Variants in GRIA1 observed in about 807,000 individuals in gnomAD.
The protein encoded by GRIA1 is glutamate ionotropic receptor AMPA type subunit 1.
A neutral mutation model predicts 99.2 loss-of-function variants in GRIA1; 31 were observed. The observed-to-expected ratio is 0.31, with a 90% confidence interval of 0.23 to 0.42. The LOEUF is 0.42. GRIA1 is among the 10% of genes least tolerant of loss of function. The pLI is 1.00. For synonymous variants in GRIA1, 438 were observed against 432.4 expected, an observed-to-expected ratio of 1.01 and a Z score of -0.16; for missense variants, 782 against 1,157.5, an observed-to-expected ratio of 0.68 and a Z score of 4.71.
intron 14 of GRIA1, among the ~76,000 whole-genome samples, chr5:153,798,513 C>T (rs1765789201): frequency 6.6e-6 from 1 of 152,120 alleles, no homozygotes; most frequent in South Asian, 2.1e-4. Flanking sequence ...TAGAGAGAAG[C>T]AAAACTGCTT....
At chr5:153,706,114 T>C in intron 11 of GRIA1, 47 bp downstream of exon 11, 1 of 1,419,500 alleles carries the variant, frequency 7.0e-7, no homozygotes, top group African/African-American at 1.4e-5. Flanking sequence ...ATGGTTTTGT[T>C]TGTTTGTTTG....
chr5:153,768,861 C>A (rs1763696740), intron 12 of GRIA1, among the ~76,000 whole-genome samples: 1 of 152,128 alleles, frequency 6.6e-6, no homozygotes, highest in Non-Finnish European at 1.5e-5. Flanking sequence ...AACACTTGTC[C>A]ATTTAGAAAA....
At chr5:153,501,148 G>C (rs1754977558) in intron 2 of GRIA1, among the ~76,000 whole-genome samples, 1 of 152,166 alleles carries the variant, frequency 6.6e-6, no homozygotes, top group Non-Finnish European at 1.5e-5. Context: ...GTATGCAAAT[G>C]CTGAAGCATT....
intron 8 of GRIA1, among the ~76,000 whole-genome samples, chr5:153,687,037 C>G (rs1471925937): frequency 8.0e-6 from 1 of 125,216 alleles, no homozygotes; most frequent in African/African-American, 3.4e-5. Flanking sequence ...GGACTTCCTC[C>G]CCCCATCTCC....
At chr5:153,529,442 C>A (rs938931268) in intron 2 of GRIA1, among the ~76,000 whole-genome samples, 1 of 152,192 alleles carries the variant, frequency 6.6e-6, no homozygotes, top group African/African-American at 2.4e-5. Flanking sequence ...TCCTATGGGA[C>A]CTCAACCCAG....
chr5:153,663,247 T>G (rs1388780093), intron 5 of GRIA1, among the ~76,000 whole-genome samples: 5 of 152,208 alleles, frequency 3.3e-5, no homozygotes, highest in Admixed American at 3.3e-4. Context: ...GAAGTTCAAG[T>G]TGTTGAAAAA....
At chr5:153,717,154 A>G (rs1466457727) in intron 11 of GRIA1, among the ~76,000 whole-genome samples, 1 of 152,176 alleles carries the variant, frequency 6.6e-6, no homozygotes, top group Non-Finnish European at 1.5e-5. Context: ...GCCTCCCTGG[A>G]ACACAGGAAC....
chr5:153,703,608 C>T (rs542947481), intron 10 of GRIA1, among the ~76,000 whole-genome samples: 3 of 152,214 alleles, frequency 2.0e-5, no homozygotes, highest in African/African-American at 7.2e-5. Flanking sequence ...GGCATTGTGG[C>T]ACATCCCTGT....
intron 11 of GRIA1, among the ~76,000 whole-genome samples, chr5:153,742,620 G>T (rs767742384): frequency 2.6e-5 from 4 of 152,150 alleles, no homozygotes; most frequent in Admixed American, 6.5e-5. Context: ...CTAAGATCTT[G>T]GTTTCTTTCA....
chr5:153,698,246 T>C (rs937078295), intron 9 of GRIA1, 92 bp downstream of exon 9: 12 of 652,024 alleles, frequency 1.8e-5, no homozygotes, highest in African/African-American at 1.4e-4. Flanking sequence ...GCCTTTCTTC[T>C]TGCCAAAACT....
intron 13 of GRIA1, 34 bp downstream of exon 13, chr5:153,770,449 C>T: frequency 1.3e-6 from 2 of 1,591,140 alleles, no homozygotes; most frequent in Non-Finnish European, 1.7e-6. Flanking sequence ...TTGGTACTCC[C>T]TCTCCCCTCC....
intron 13 of GRIA1, among the ~76,000 whole-genome samples, chr5:153,782,010 A>G (rs1327519719): frequency 3.3e-5 from 5 of 152,210 alleles, no homozygotes; most frequent in African/African-American, 1.2e-4. Flanking sequence ...TAATAGAGTC[A>G]TGAGTACAGA....
intron 2 of GRIA1, among the ~76,000 whole-genome samples, chr5:153,510,100 C>G (rs994065785): frequency 6.6e-6 from 1 of 152,076 alleles, no homozygotes; most frequent in Non-Finnish European, 1.5e-5. Context: ...TTTTAGTTCT[C>G]GAGGTCTTGC....
chr5:153,770,320 C>T lies in GRIA1; in HGVS notation c.2175C>T (p.Tyr725=). The T allele has an allele frequency of 1.9e-6, 3 of 1,613,958 alleles. No individual in the cohort carries two copies. Among genetic ancestry groups the T allele is most frequent in the Non-Finnish European group, 1.7e-6 (2 of 1,179,904 alleles). The change falls in exon 13 of 16, where the codon TAC becomes TAT. Residue 725 remains tyrosine (Y), a synonymous_variant. Transcript: ENST00000285900. ...TCCTGGAGTCCACCATGAATGAGTA[C>T]ATTGAGCAGCGGAAACCCTGTGACA... ...AYLLESTMNE[Y]IEQRKPCDTM... is the part of the protein sequence containing the mutation.
At chr5:153,663,849 G>A (rs1026824684) in intron 5 of GRIA1, among the ~76,000 whole-genome samples, 1 of 152,170 alleles carries the variant, frequency 6.6e-6, no homozygotes, top group Non-Finnish European at 1.5e-5. Flanking sequence ...TTAAGGAAGA[G>A]GCTGTTCTAT....
chr5:153,669,604 AT>A (rs1402089641), intron 5 of GRIA1, among the ~76,000 whole-genome samples: 1 of 152,182 alleles, frequency 6.6e-6, no homozygotes, highest in Non-Finnish European at 1.5e-5. Context: ...ATCGATTTTT[AT>A]TTTTTAATAG....
chr5:153,535,259 T>G (rs1392482194), intron 2 of GRIA1, among the ~76,000 whole-genome samples: 1 of 152,098 alleles, frequency 6.6e-6, no homozygotes, highest in Non-Finnish European at 1.5e-5. Flanking sequence ...TAGGATAAGG[T>G]GGGTAAATAG....
rs575140618 is a variant in GRIA1 at position 153,603,668 on chromosome 5, T to C, written c.221-43260T>C. ...ATCTAGGACACTCTGGAAAAGTGTC[T>C]GTATATCTTATATTAGGAGTAGTGG... On this transcript the variant is annotated intron_variant, in intron 2 of 15. Transcript: ENST00000285900. Among the ~76,000 whole-genome samples, 4 of 152,350 alleles carry C rather than the reference T, an allele frequency of 2.6e-5. No homozygotes were observed. In the East Asian group the frequency reaches 7.7e-4, roughly 29 times the overall value.
chr5:153,560,149 C>G (rs1057135367), intron 2 of GRIA1, among the ~76,000 whole-genome samples: 1 of 152,164 alleles, frequency 6.6e-6, no homozygotes, highest in East Asian at 1.9e-4. Context: ...CTCCTGACTT[C>G]CTGCCCTGCT....
Sources: allele counts gnomAD v4.1 joint callset (sites outside exome capture counted in the v4.1 genomes callset), GRCh38; gene constraint gnomAD v4.1.1; transcripts MANE v1.5; gene names NCBI Gene and HGNC (gene_info 2026-07-23, HGNC 2026-07-21).